Variants in PLA2G4F observed in about 807,000 individuals in gnomAD.
PLA2G4F encodes phospholipase A2 group IVF, also known as cytosolic phospholipase A2 zeta.
In PLA2G4F, 105 loss-of-function variants were observed where a neutral mutation model predicts 103.1. The ratio of observed to expected loss-of-function variants is 1.02; its 90% CI spans 0.87 to 1.20. PLA2G4F has a LOEUF of 1.20. PLA2G4F is among the 50% of genes most tolerant of loss of function. PLA2G4F has a pLI of 0.00. For synonymous variants in PLA2G4F, 468 were observed against 441.1 expected, an observed-to-expected ratio of 1.06 and a Z score of -0.76; for missense variants, 1,155 against 1,075.9, an observed-to-expected ratio of 1.07 and a Z score of -1.03.
chr15:42,149,633 A>C, intron 11 of PLA2G4F, 80 bp downstream of exon 11: 1 of 1,574,160 alleles, frequency 6.4e-7, no homozygotes, highest in South Asian at 1.2e-5. Context: ...GGCCCCTCTT[A>C]GCCATGCTGG....
chr15:42,144,323 C>T (rs374503299), intron 17 of PLA2G4F, 127 bp downstream of exon 17: 126 of 1,414,130 alleles, frequency 8.9e-5, no homozygotes, highest in East Asian at 1.2e-4. Flanking sequence ...AGAGTCGCTC[C>T]GCATCAGCCC....
rs761188405 is a variant in PLA2G4F, at chr15:42,146,180, G to C, written c.1481C>G (p.Pro494Arg). The C allele has an allele frequency of 6.2e-7, 1 of 1,614,136 alleles. No homozygotes were observed. Among genetic ancestry groups the C allele is most frequent in the South Asian group, 1.1e-5 (1 of 91,084 alleles). Residue 494 changes from proline (P) to arginine (R), a missense_variant, in exon 14 of 20, where the codon CCC becomes CGC. Coordinates refer to ENST00000397272, the MANE Select transcript of PLA2G4F (RefSeq NM_213600.4). ...EAVRQGQNPYPIYTSVNVRTN... is the reference protein window; with the variant it reads ...EAVRQGQNPYRIYTSVNVRTN... ...GCGGACGTTGACACTGGTGTAAATG[G>C]GGTAAGGGTTCTGACCCTGGCGGAC...
At position 42,146,249 on chromosome 15, in the gene PLA2G4F, G is replaced by A. The variant is rs1319924875; in HGVS notation, c.1420-8C>T. ...CAGCTTGGCAGGGTTCTCCTGGGCA[G>A]GAAAGAAGGGAGGCAGCTTGGCCTT... On this transcript the variant is annotated splice_polypyrimidine_tract_variant and splice_region_variant and intron_variant, in intron 13 of 19. Coordinates refer to ENST00000397272, the MANE Select transcript of PLA2G4F (RefSeq NM_213600.4). The A allele has an allele frequency of 1.5e-5, 24 of 1,613,262 alleles. No homozygotes were observed. The highest frequency in any genetic ancestry group is 1.9e-5 in the Non-Finnish European group (22 of 1,179,370).
At chr15:42,147,885 C>A in intron 11 of PLA2G4F, 123 bp from the exon 12 acceptor site, 1 of 1,410,258 alleles carries the variant, frequency 7.1e-7, no homozygotes, top group South Asian at 1.4e-5. Flanking sequence ...ATCCTCACAG[C>A]AACCCAATGA....
chr15:42,143,176 TAAAAAAAAAAAAAAAAAAA>T (rs56171986), intron 18 of PLA2G4F, among the ~76,000 whole-genome samples: 1 of 89,698 alleles, frequency 1.1e-5, no homozygotes, highest in African/African-American at 4.9e-5. Flanking sequence ...AGACTCCATC[TAAAAAAAAAAAAAAAAAAA>T]AAAAAAAAAA....
At position 42,141,069 on chromosome 15, in the gene PLA2G4F, A is replaced by T. The variant is rs1273102967; in HGVS notation, c.*915T>A. On this transcript the variant is annotated 3_prime_UTR_variant, in exon 20 of 20. Coordinates refer to ENST00000397272, the MANE Select transcript of PLA2G4F (RefSeq NM_213600.4). The stretch of plus-strand genomic sequence containing the variant: ...GCATCTGGGAAAGAGGCAAGAGCCC[A>T]GGCGAGGCTCCCTCTGCACTGCCCA... 2.8e-6 allele frequency: 1 copy of T among 358,622 alleles called. No homozygotes were observed. Among genetic ancestry groups the T allele is most frequent in the Admixed American group, 3.6e-5 (1 of 28,070 alleles). 22.2% of individuals were successfully genotyped at this position (358,622 alleles called of 1,614,324 possible).
Position 42,144,582 on chromosome 15 carries a change from G to A in PLA2G4F, c.1843C>T (p.Gln615Ter), listed in dbSNP as rs1566877978. 1 of 1,613,146 alleles carries A rather than the reference G, an allele frequency of 6.2e-7. No homozygotes were observed. Among genetic ancestry groups the A allele is most frequent in the East Asian group, 2.2e-5 (1 of 44,876 alleles). ...AGCACAGCCTGGGAGAAGGGCCCCT[G>A]TGGGGTGAGGAGCCTCGTTCGCAGC... ...SRLRTRLLTPQGPFSQAVLDI... is the reference protein window; with the variant it reads ...SRLRTRLLTP The change falls in exon 17 of 20, where the codon CAG becomes TAG. Residue 615 changes from glutamine to a stop codon, truncating the protein, a stop_gained. Transcript: ENST00000397272. LOFTEE classifies it high-confidence loss of function.
At position 42,140,489 on chromosome 15, in the gene PLA2G4F, G is replaced by A. The variant is rs1595613647; in HGVS notation, c.*1495C>T. ...TAAACCTCTCACTGCTGAACCAAGG[G>A]GAGGGGCCGTGGCCTGTGACAGGCA... On this transcript the variant is annotated 3_prime_UTR_variant, in exon 20 of 20. Transcript: ENST00000397272. 1 of 152,382 alleles carries A rather than the reference G, an allele frequency of 6.6e-6. No individual in the cohort carries two copies. Among genetic ancestry groups the A allele is most frequent in the Non-Finnish European group, 1.5e-5 (1 of 68,180 alleles). 9.4% of individuals were successfully genotyped at this position (152,382 alleles called of 1,614,324 possible).
In PLA2G4F at chr15:42,149,723, T is replaced by C. The variant is rs1340454168; in HGVS notation, c.1049A>G (p.Asp350Gly). ...TCCTCCATTACGTACCTGGCCACTG[T>C]CCAGAGCCTCACTCAATCCCAGCAC... ...QQVLGLSEALDSGQVPVVAVL... is the reference protein window; with the variant it reads ...QQVLGLSEALGSGQVPVVAVL... The change falls in exon 11 of 20, where the codon GAC (aspartate) becomes GGC (glycine). Residue 350 changes from aspartate (D) to glycine (G), a missense_variant. Transcript: ENST00000397272. The C allele has an allele frequency of 1.4e-5, 23 of 1,614,158 alleles. No individual in the cohort carries two copies. Among genetic ancestry groups the C allele is most frequent in the Non-Finnish European group, 1.9e-5 (23 of 1,180,014 alleles).
chr15:42,152,699 C>T lies in PLA2G4F; in HGVS notation c.590G>A (p.Arg197Gln), dbSNP rs767005408. 16 of 1,556,530 alleles carry T rather than the reference C, an allele frequency of 1.0e-5. No individual in the cohort carries two copies. The highest frequency in any genetic ancestry group is 2.4e-5 in the East Asian group (1 of 41,398). ...CTGAGCAGACTCACCGTACTCTTCC[C>T]GTGGGGCTGTCCCATCTCCCCGGAG... ...GTLRGDGTAP[R>Q]EEYGSRQLQL... is the part of the protein sequence containing the mutation. Residue 197 changes from arginine to glutamine, a missense_variant, in exon 7 of 20, where the codon CGG becomes CAG. Around this residue, in one of 3 missense-constraint regions of PLA2G4F, gnomAD observed 370 missense variants for 364.9 expected, o/e 1.01. Coordinates refer to ENST00000397272, the MANE Select transcript of PLA2G4F (RefSeq NM_213600.4).
intron 16 of PLA2G4F, 69 bp from the exon 17 acceptor site, chr15:42,144,713 T>G: frequency 7.0e-7 from 1 of 1,418,762 alleles, no homozygotes; most frequent in Non-Finnish European, 9.3e-7. Context: ...GTCCTTATAG[T>G]TCAGGGGTGC....
intron 1 of PLA2G4F, 40 bp from the exon 2 acceptor site, chr15:42,155,629 G>A (rs1268577747): frequency 2.5e-6 from 4 of 1,590,398 alleles, no homozygotes; most frequent in Non-Finnish European, 3.5e-6. Context: ...CAGCTAGTGT[G>A]AGCCTGGTCC....
intron 19 of PLA2G4F, 119 bp from the exon 20 acceptor site, chr15:42,142,323 G>GA: frequency 8.5e-7 from 1 of 1,172,410 alleles, no homozygotes; most frequent in Non-Finnish European, 1.2e-6. Flanking sequence ...GCCCTGCTTG[G>GA]GCCACATCTC....
In PLA2G4F at chr15:42,144,031, T is replaced by C. The variant is rs751367562; in HGVS notation, c.2089A>G (p.Arg697Gly). The change falls in exon 18 of 20, where the codon AGA (arginine) becomes GGA (glycine). Residue 697 changes from arginine to glycine, a missense_variant. Physicochemically the swap from Arg to Gly is moderately radical, Grantham distance 125. Transcript: ENST00000397272. ...SPFPLALLPQ[R>G]AVDLILSFDY... ...AAGGACAGAATGAGGTCCACTGCTC[T>C]CTGAGGCAGCAGAGCCAGTGGGAAC... The C allele has an allele frequency of 1.2e-6, 2 of 1,613,992 alleles. No homozygotes were observed. Among genetic ancestry groups the C allele is most frequent in the Non-Finnish European group, 1.7e-6 (2 of 1,179,980 alleles).
In PLA2G4F at chr15:42,142,208, T is replaced by C; in HGVS notation, c.2330-4A>G. ...TCAGCTGTTTGTCGCTCCACACCTG[T>C]GGGTGGGGGAAGCAGAGGAGAGGCC... On this transcript the variant is annotated splice_polypyrimidine_tract_variant and splice_region_variant and intron_variant, in intron 19 of 19. Coordinates refer to ENST00000397272, the MANE Select transcript of PLA2G4F (RefSeq NM_213600.4). The C allele has an allele frequency of 6.2e-7, 1 of 1,606,954 alleles. No homozygotes were observed. Among genetic ancestry groups the C allele is most frequent in the South Asian group, 1.1e-5 (1 of 89,860 alleles).
In PLA2G4F at chr15:42,153,638, T is replaced by C; in HGVS notation, c.473A>G (p.Glu158Gly). 1 of 1,614,150 alleles carries C rather than the reference T, an allele frequency of 6.2e-7. No individual in the cohort carries two copies. Residue 158 changes from glutamate to glycine, a missense_variant, in exon 5 of 20, where the codon GAA becomes GGA. Coordinates refer to ENST00000397272, the MANE Select transcript of PLA2G4F (RefSeq NM_213600.4). ...AACTCACCTCTTCTCCAGAACAAAT[T>C]CCACCTGCAGCTCTTGTGAATCCTA... ...NHQDSQELQVEFVLEKSQVPA... is the reference protein window; with the variant it reads ...NHQDSQELQVGFVLEKSQVPA...
At position 42,140,992 on chromosome 15, in the gene PLA2G4F, G is replaced by A. The variant is rs1008675884; in HGVS notation, c.*992C>T. 8.8e-6 allele frequency: 3 copies of A among 340,088 alleles called. No individual in the cohort carries two copies. The highest frequency in any genetic ancestry group is 4.3e-5 in the African/African-American group (2 of 46,526). The allele number at this position is 340,088 out of a possible 1,614,324, so 21.1% of individuals were successfully genotyped here. A position where few individuals can be genotyped will look rare whatever the true frequency, so the allele number is the denominator to read the frequency against. On this transcript the variant is annotated 3_prime_UTR_variant, in exon 20 of 20. Coordinates refer to ENST00000397272, the MANE Select transcript of PLA2G4F (RefSeq NM_213600.4). ...TTGGAGAGTCCCTGGCGGGTCAGGG[G>A]AAATGGAGAAGAGGGAGAGTGAGAA...
rs1376537276 is a variant in PLA2G4F, at chr15:42,139,904, T to C, written c.*2080A>G. Reference sequence around the variant, plus strand: ...TCTGTGTGAGAAGGTCCCCGCCCACTCTGCACAAGCCCACGTTTGCCTCCT... The same window carrying C: ...TCTGTGTGAGAAGGTCCCCGCCCACCCTGCACAAGCCCACGTTTGCCTCCT... On this transcript the variant is annotated 3_prime_UTR_variant, in exon 20 of 20. Transcript: ENST00000397272. 1 of 152,288 alleles carries C rather than the reference T, an allele frequency of 6.6e-6. No homozygotes were observed. Among genetic ancestry groups the C allele is most frequent in the Non-Finnish European group, 1.5e-5 (1 of 68,102 alleles). The allele number at this position is 152,288 out of a possible 1,614,324, so 9.4% of individuals were successfully genotyped here.
rs774009137 is a variant in PLA2G4F at position 42,150,400 on chromosome 15, C to T, written c.858G>A (p.Glu286=). 26 of 1,612,646 alleles carry T rather than the reference C, an allele frequency of 1.6e-5. No homozygotes were observed. In the South Asian group the frequency reaches 2.6e-4, roughly 16 times the overall value. Residue 286 remains glutamate, a synonymous_variant, in exon 9 of 20, where the codon GAG becomes GAA. Coordinates refer to ENST00000397272, the MANE Select transcript of PLA2G4F (RefSeq NM_213600.4). The part of the protein sequence containing the change: ...ILLSSLPLGQ[E]EQCSVALGEG... The stretch of plus-strand genomic sequence containing the variant: ...CCCCCAGGGCCACAGAACACTGTTC[C>T]TCCTGGCCTAGGGGCAGAGAGGAGA...
Sources: allele counts gnomAD v4.1 joint callset (sites outside exome capture counted in the v4.1 genomes callset), GRCh38; gene constraint gnomAD v4.1.1; regional missense constraint gnomAD v4.1.1; transcripts MANE v1.5; gene names NCBI Gene and HGNC (gene_info 2026-07-23, HGNC 2026-07-21).